Variants in BCL2L1 observed in about 807,000 individuals in gnomAD.
BCL2L1 encodes the protein bcl-2-like protein 1.
Under a neutral mutation model 18.7 loss-of-function variants are expected in BCL2L1, and 1 was observed. That is an observed-to-expected ratio of 0.05 (90% CI 0.02 to 0.25). The LOEUF is 0.25. Ranked by LOEUF, BCL2L1 falls within the 10% of genes least tolerant of loss-of-function variation. The pLI, the probability that BCL2L1 is intolerant of heterozygous loss-of-function variation, is 1.00. For missense variants in BCL2L1, 207 were observed against 304.9 expected, an observed-to-expected ratio of 0.68 and a Z score of 2.39; for synonymous variants, 103 against 122.7, an observed-to-expected ratio of 0.84 and a Z score of 1.06.
intron 2 of BCL2L1, among the ~76,000 whole-genome samples, 158 bp from the exon 3 acceptor site, chr20:31,666,244 T>C (rs1235326351): frequency 2.0e-5 from 3 of 152,208 alleles, no homozygotes. Flanking sequence ...GGTGGTCCTC[T>C]TTCTTGACCC....
At chr20:31,686,969 T>G (rs2060966974) in intron 2 of BCL2L1, among the ~76,000 whole-genome samples, 1 of 152,212 alleles carries the variant, frequency 6.6e-6, no homozygotes, top group Non-Finnish European at 1.5e-5. Flanking sequence ...AGTTTTCTAA[T>G]CTGGACAATG....
At chr20:31,703,609 A>G (rs2061321141) in intron 2 of BCL2L1, among the ~76,000 whole-genome samples, 1 of 150,292 alleles carries the variant, frequency 6.7e-6, no homozygotes, top group Non-Finnish European at 1.5e-5. Flanking sequence ...CTCCTGCCTC[A>G]GCCTCCCGAG....
intron 2 of BCL2L1, among the ~76,000 whole-genome samples, chr20:31,688,465 G>GAAAAGA (rs1242324734): frequency 2.7e-5 from 4 of 146,814 alleles, no homozygotes; most frequent in South Asian, 4.3e-4. Flanking sequence ...AAAAAAGAAA[G>GAAAAGA]AAAAGAAAAA....
chr20:31,723,263 C>G, upstream of BCL2L1: 1 of 985,146 alleles, frequency 1.0e-6, no homozygotes. Flanking sequence ...TGGGGATTGC[C>G]GGGTCCTCCA....
chr20:31,673,683 A>G (rs1392463658), intron 2 of BCL2L1, among the ~76,000 whole-genome samples: 2 of 152,202 alleles, frequency 1.3e-5, no homozygotes, highest in Admixed American at 6.5e-5. Context: ...AAGAAACAAA[A>G]AACTATTATT....
chr20:31,723,630 G>A (rs1407465202), upstream of BCL2L1: 5 of 985,456 alleles, frequency 5.1e-6, no homozygotes, highest in African/African-American at 3.5e-5. Flanking sequence ...CCGGCGGTCC[G>A]CCCCAGCGCA....
chr20:31,671,032 A>G (rs1267326352), intron 2 of BCL2L1, among the ~76,000 whole-genome samples: 2 of 152,094 alleles, frequency 1.3e-5, no homozygotes, highest in Admixed American at 6.6e-5. Context: ...CTGATGTCAC[A>G]AAGGTTTCTA....
chr20:31,721,496 G>T, intron 2 of BCL2L1, 159 bp downstream of exon 2: 1 of 838,184 alleles, frequency 1.2e-6, no homozygotes, highest in Non-Finnish European at 1.8e-6. Flanking sequence ...TTTCCAAGGA[G>T]TTAACCTCTT....
At chr20:31,694,182 C>A (rs2061130231) in intron 2 of BCL2L1, among the ~76,000 whole-genome samples, 2 of 152,164 alleles carry the variant, frequency 1.3e-5, no homozygotes, top group Non-Finnish European at 2.9e-5. Flanking sequence ...CAGGTGGCAC[C>A]TGTAGCCCTT....
At chr20:31,682,030 A>G (rs1228755029) in intron 2 of BCL2L1, among the ~76,000 whole-genome samples, 1 of 152,224 alleles carries the variant, frequency 6.6e-6, no homozygotes, top group Non-Finnish European at 1.5e-5. Flanking sequence ...GACAGGCTCC[A>G]GTGGGAGCGG....
chr20:31,667,605 G>A (rs1255732503), intron 2 of BCL2L1, among the ~76,000 whole-genome samples: 1 of 151,710 alleles, frequency 6.6e-6, no homozygotes, highest in Non-Finnish European at 1.5e-5. Flanking sequence ...AAATGGCCGA[G>A]TGGCTGCTCC....
intron 2 of BCL2L1, among the ~76,000 whole-genome samples, chr20:31,715,271 C>CAA (rs567772766): frequency 1.4e-3 from 126 of 92,952 alleles, no homozygotes; most frequent in African/African-American, 4.2e-3. Flanking sequence ...GACTCTGTCT[C>CAA]AAAAAAAAAA....
chr20:31,666,547 C>G (rs1233253420), intron 2 of BCL2L1, among the ~76,000 whole-genome samples: 1 of 151,926 alleles, frequency 6.6e-6, no homozygotes, highest in Admixed American at 6.6e-5. Flanking sequence ...AGCCACTAGG[C>G]CTCAGATTTT....
chr20:31,723,393 G>A (rs1029740964), upstream of BCL2L1: 167 of 985,434 alleles, frequency 1.7e-4, no homozygotes, highest in Non-Finnish European at 1.8e-4. Context: ...CCCCACAGCT[G>A]AGACCACGTT....
chr20:31,712,228 T>A (rs767922449), intron 2 of BCL2L1, among the ~76,000 whole-genome samples: 5 of 152,198 alleles, frequency 3.3e-5, no homozygotes, highest in Non-Finnish European at 7.3e-5. Context: ...AATAGCGCAC[T>A]GGACGAGGGA....
intron 2 of BCL2L1, among the ~76,000 whole-genome samples, chr20:31,693,515 C>A (rs1301278433): frequency 6.6e-6 from 1 of 151,754 alleles, no homozygotes; most frequent in Non-Finnish European, 1.5e-5. Context: ...ACACAGGGGG[C>A]TCTAAGGTAC....
intron 2 of BCL2L1, among the ~76,000 whole-genome samples, chr20:31,705,869 A>G (rs2061362181): frequency 6.6e-6 from 1 of 152,080 alleles, no homozygotes; most frequent in South Asian, 2.1e-4. Context: ...CTGGCCCTAC[A>G]CATCTCTCAG....
At chr20:31,676,109 G>T (rs2060754567) in intron 2 of BCL2L1, among the ~76,000 whole-genome samples, 2 of 152,162 alleles carry the variant, frequency 1.3e-5, no homozygotes, top group Non-Finnish European at 2.9e-5. Context: ...CAGAACCAGG[G>T]TGATGGGCTT....
chr20:31,698,546 CTT>C (rs879374858), intron 2 of BCL2L1, among the ~76,000 whole-genome samples: 1 of 145,524 alleles, frequency 6.9e-6, no homozygotes, highest in Non-Finnish European at 1.5e-5. Flanking sequence ...GATTTTCCTT[CTT>C]TTTTTTTTTG....
Sources: gnomAD v4.1 joint callset for allele counts (sites outside exome capture counted in the v4.1 genomes callset) on GRCh38, gnomAD v4.1.1 for gene constraint, MANE v1.5 for transcripts, NCBI Gene and HGNC (gene_info 2026-07-23, HGNC 2026-07-21) for gene names.